ZFHX3: variants seen among roughly 807,000 people sequenced by gnomAD.
The protein encoded by ZFHX3 is zinc finger homeobox protein 3.
Under a neutral mutation model 279.1 loss-of-function variants are expected in ZFHX3, and 42 were observed. The observed-to-expected ratio is 0.15, with a 90% CI of 0.12 to 0.19. ZFHX3 has a LOEUF of 0.19. ZFHX3 is among the 10% of genes least tolerant of loss of function. ZFHX3 has a pLI of 1.00. For synonymous variants in ZFHX3, 2,293 were observed against 1,957.8 expected (o/e 1.17, Z -4.52); for missense variants, 4,981 against 4,754.0 (o/e 1.05, Z -1.40).
intron 5 of ZFHX3, among the ~76,000 whole-genome samples, chr16:72,828,937 G>A (rs749331802): frequency 5.3e-5 from 8 of 151,308 alleles, no homozygotes; most frequent in Non-Finnish European, 8.8e-5. Context: ...GCAATCTGCC[G>A]ACCTCAGCCT....
chr16:73,188,181 G>A (rs1221336628), intron 5 of ZFHX3, among the ~76,000 whole-genome samples: 2 of 151,048 alleles, frequency 1.3e-5, no homozygotes, highest in Non-Finnish European at 3.0e-5. Flanking sequence ...TTTTTAACAG[G>A]GATATCTTTA....
intron 1 of ZFHX3, among the ~76,000 whole-genome samples, chr16:72,988,683 G>C (rs114401242): frequency 0.014 from 2,062 of 152,318 alleles, 51 homozygotes; most frequent in African/African-American, 0.047. Context: ...TGTACATTAA[G>C]AGCCATGATT....
At chr16:73,693,897 A>G (rs2053171695) in intron 1 of ZFHX3, among the ~76,000 whole-genome samples, 1 of 152,150 alleles carries the variant, frequency 6.6e-6, no homozygotes, top group Admixed American at 6.5e-5. Flanking sequence ...AAGAAACAAA[A>G]CTATTCAAGA....
chr16:72,935,400 G>A (rs1300171738), intron 3 of ZFHX3, among the ~76,000 whole-genome samples: 1 of 152,212 alleles, frequency 6.6e-6, no homozygotes, highest in Non-Finnish European at 1.5e-5. Context: ...AACTGAGGGA[G>A]GAGGCGACTC....
At chr16:73,747,920 A>G (rs1201023812) in intron 1 of ZFHX3, among the ~76,000 whole-genome samples, 1 of 152,196 alleles carries the variant, frequency 6.6e-6, no homozygotes, top group African/African-American at 2.4e-5. Flanking sequence ...TCTGGAATCA[A>G]AGATCTATAC....
intron 1 of ZFHX3, among the ~76,000 whole-genome samples, chr16:73,818,949 T>C (rs923315276): frequency 2.6e-5 from 4 of 152,152 alleles, no homozygotes; most frequent in African/African-American, 7.2e-5. Flanking sequence ...ATCTGAACTA[T>C]GCAAGGAGAA....
At chr16:72,885,070 C>G (rs2038590731) in intron 4 of ZFHX3, among the ~76,000 whole-genome samples, 1 of 152,222 alleles carries the variant, frequency 6.6e-6, no homozygotes, top group South Asian at 2.1e-4. Flanking sequence ...TATTTCCAAG[C>G]CATTTTTAAA....
chr16:73,235,374 T>G (rs910135841), intron 5 of ZFHX3, among the ~76,000 whole-genome samples: 1 of 152,222 alleles, frequency 6.6e-6, no homozygotes, highest in Non-Finnish European at 1.5e-5. Flanking sequence ...TGAGGCACCA[T>G]GCCCGGCCAC....
At chr16:73,632,946 G>C (rs963827454) in intron 2 of ZFHX3, among the ~76,000 whole-genome samples, 1 of 152,112 alleles carries the variant, frequency 6.6e-6, no homozygotes, top group Non-Finnish European at 1.5e-5. Context: ...GGGTGTGGTG[G>C]CGGGAGCCTG....
chr16:72,850,580 T>C (rs934541991), intron 4 of ZFHX3, among the ~76,000 whole-genome samples: 3 of 152,114 alleles, frequency 2.0e-5, no homozygotes, highest in East Asian at 2.0e-4. Flanking sequence ...CACAGAACCA[T>C]GGACCATGGT....
chr16:73,669,919 C>A (rs752966025), intron 2 of ZFHX3, among the ~76,000 whole-genome samples: 8 of 152,178 alleles, frequency 5.3e-5, no homozygotes, highest in Non-Finnish European at 1.2e-4. Flanking sequence ...TTGTACTTGA[C>A]TGTGTCCCTT....
chr16:73,703,693 A>G (rs1026318770), intron 1 of ZFHX3, among the ~76,000 whole-genome samples: 1 of 152,180 alleles, frequency 6.6e-6, no homozygotes, highest in Non-Finnish European at 1.5e-5. Flanking sequence ...TGCCTGGCAG[A>G]CACTGGACTG....
chr16:73,299,242 T>C (rs991331884), intron 4 of ZFHX3, among the ~76,000 whole-genome samples: 3 of 152,140 alleles, frequency 2.0e-5, no homozygotes, highest in African/African-American at 7.2e-5. Flanking sequence ...TGAAATAAGT[T>C]ATAGCATCCG....
In ZFHX3 at chr16:73,606,803, G is replaced by T. The variant is rs530784478; in HGVS notation, c.-1547+73377C>A. On this transcript the variant is annotated intron_variant, in intron 2 of 17. Transcript: ENST00000641206. The stretch of plus-strand genomic sequence containing the variant: ...TGTGTCCATGTGTTCTCATTGGTCA[G>T]TTCCCACTTATAAGTGAGAACATGC... 3.5e-4 allele frequency among the ~76,000 whole-genome samples: 54 copies of T among 152,214 alleles called. 1 individual carries two copies. Among genetic ancestry groups the T allele is most frequent in the African/African-American group, 1.3e-3 (53 of 41,534 alleles).
chr16:73,343,271 T>G (rs1181875128), intron 3 of ZFHX3, among the ~76,000 whole-genome samples: 1 of 151,552 alleles, frequency 6.6e-6, no homozygotes, highest in Non-Finnish European at 1.5e-5. Flanking sequence ...AAAAGAGTCT[T>G]GAATTAATGA....
intron 1 of ZFHX3, among the ~76,000 whole-genome samples, chr16:73,865,269 T>C (rs757129910): frequency 6.6e-6 from 1 of 152,182 alleles, no homozygotes; most frequent in East Asian, 1.9e-4. Flanking sequence ...ACTGATGCAA[T>C]TGGGATCTGA....
intron 7 of ZFHX3, among the ~76,000 whole-genome samples, chr16:73,112,880 G>C (rs1370317349): frequency 6.6e-6 from 1 of 152,066 alleles, no homozygotes; most frequent in African/African-American, 2.4e-5. Flanking sequence ...GGCTGACCAG[G>C]TGAGCGGCTG....
intron 2 of ZFHX3, among the ~76,000 whole-genome samples, chr16:73,603,284 CAA>C (rs1213173062): frequency 4.4e-5 from 4 of 90,354 alleles, no homozygotes; most frequent in African/African-American, 4.0e-5. Flanking sequence ...GACTCCATCT[CAA>C]AAAAAAAAAA....
chr16:73,301,469 C>A (rs960202368), intron 4 of ZFHX3, among the ~76,000 whole-genome samples: 1 of 152,146 alleles, frequency 6.6e-6, no homozygotes, highest in African/African-American at 2.4e-5. Flanking sequence ...CTAGCAGCAA[C>A]CCTGGCCTCT....
Sources: allele counts gnomAD v4.1 joint callset (sites outside exome capture counted in the v4.1 genomes callset), GRCh38; gene constraint gnomAD v4.1.1; transcripts MANE v1.5; gene names NCBI Gene and HGNC (gene_info 2026-07-23, HGNC 2026-07-21).